Variants in MAMDC2 observed in about 807,000 individuals in gnomAD.
The protein encoded by MAMDC2 is MAM domain containing 2.
In MAMDC2, 57 loss-of-function variants were observed where a neutral mutation model predicts 89.8. The ratio of observed to expected loss-of-function variants is 0.63; its 90% CI spans 0.51 to 0.79. The LOEUF (loss-of-function observed/expected upper bound fraction) is 0.79, where lower values mean the gene tolerates loss of function less well. Among genes scored for constraint, MAMDC2 ranks in the 30% least tolerant of loss-of-function variants. The pLI is 0.00. For missense variants in MAMDC2, 800 were observed against 820.6 expected, an observed-to-expected ratio of 0.97 and a Z score of 0.31; for synonymous variants, 313 against 293.4, an observed-to-expected ratio of 1.07 and a Z score of -0.68.
At chr9:70,084,934 G>A (rs1284979936) in intron 2 of MAMDC2, among the ~76,000 whole-genome samples, 2 of 152,022 alleles carry the variant, frequency 1.3e-5, no homozygotes, top group Admixed American at 1.3e-4. Flanking sequence ...TACTATATCT[G>A]AAATTGCAGT....
chr9:70,076,001 G>A (rs896455805), intron 2 of MAMDC2, among the ~76,000 whole-genome samples: 2 of 152,192 alleles, frequency 1.3e-5, no homozygotes, highest in African/African-American at 4.8e-5. Context: ...GTGTGCTCCC[G>A]AAAATGTCCA....
chr9:70,206,408 C>T (rs1474881906), intron 11 of MAMDC2, among the ~76,000 whole-genome samples: 1 of 152,050 alleles, frequency 6.6e-6, no homozygotes, highest in Non-Finnish European at 1.5e-5. Context: ...TTTCAGGCTC[C>T]ACTAGGGGTC....
chr9:70,079,810 G>A (rs1310853864), intron 2 of MAMDC2, among the ~76,000 whole-genome samples: 2 of 152,162 alleles, frequency 1.3e-5, no homozygotes, highest in Non-Finnish European at 2.9e-5. Flanking sequence ...GAAGTTGTTT[G>A]ACAGGTGTGC....
intron 11 of MAMDC2, among the ~76,000 whole-genome samples, chr9:70,204,322 G>T (rs1337115391): frequency 6.6e-6 from 1 of 152,036 alleles, no homozygotes; most frequent in South Asian, 2.1e-4. Context: ...ACTGTGTGAG[G>T]TGTCAGTGTG....
chr9:70,125,954 G>A (rs2030518120), intron 5 of MAMDC2, among the ~76,000 whole-genome samples: 1 of 152,184 alleles, frequency 6.6e-6, no homozygotes, highest in Non-Finnish European at 1.5e-5. Context: ...TTAGCAGAGT[G>A]CAATGAACCC....
intron 4 of MAMDC2, among the ~76,000 whole-genome samples, chr9:70,110,748 T>C (rs192856293): frequency 6.6e-6 from 1 of 151,882 alleles, no homozygotes; most frequent in East Asian, 1.9e-4. Flanking sequence ...GGAAAATGAG[T>C]TGGGTACAAA....
intron 12 of MAMDC2, among the ~76,000 whole-genome samples, chr9:70,222,210 T>C (rs906855405): frequency 6.6e-6 from 1 of 152,150 alleles, no homozygotes; most frequent in Non-Finnish European, 1.5e-5. Flanking sequence ...AATTGAGATA[T>C]CATTTATTGA....
At chr9:70,094,366 C>T (rs868833663) in intron 2 of MAMDC2, among the ~76,000 whole-genome samples, 8 of 152,144 alleles carry the variant, frequency 5.3e-5, no homozygotes, top group Admixed American at 2.0e-4. Context: ...CACACTGAAA[C>T]ATTTTCTAAA....
At chr9:70,155,483 G>T (rs1393467870) in intron 9 of MAMDC2, among the ~76,000 whole-genome samples, 1 of 152,050 alleles carries the variant, frequency 6.6e-6, no homozygotes, top group African/African-American at 2.4e-5. Flanking sequence ...TCACCTTCTT[G>T]CCTCCTCTGG....
At chr9:70,217,254 C>T (rs2033465634) in intron 11 of MAMDC2, 1 of 974,214 alleles carries the variant, frequency 1.0e-6, no homozygotes, top group African/African-American at 1.6e-5. Flanking sequence ...AGGGGAGGCA[C>T]TACGCCAGGA....
Position 70,209,542 on chromosome 9 carries a change from GTCTATCTA to G in MAMDC2, c.1652-8785_1652-8778del, listed in dbSNP as rs58271219. Among the ~76,000 whole-genome samples, 689 of 151,406 alleles carry G rather than the reference GTCTATCTA, an allele frequency of 4.6e-3. 4 individuals are homozygous for G. The highest frequency in any genetic ancestry group is 0.02 in the Middle Eastern group (6 of 294). On this transcript the variant is annotated intron_variant, in intron 11 of 13. Transcript: ENST00000377182. Reference sequence around the variant, plus strand: ...CTGTTCTTTTTTATTAGTCTGAGCGGTCTATCTATCTATCTATTTTATTGATCTTTTTA... The same window carrying G: ...CTGTTCTTTTTTATTAGTCTGAGCGGTCTATCTATTTTATTGATCTTTTTA...
intron 5 of MAMDC2, among the ~76,000 whole-genome samples, chr9:70,121,643 T>C (rs1442778997): frequency 6.6e-6 from 1 of 151,914 alleles, no homozygotes; most frequent in Non-Finnish European, 1.5e-5. Context: ...ATTTGGCAGA[T>C]TAAAGGATTC....
At chr9:70,100,839 C>A (rs1415646202) in intron 2 of MAMDC2, among the ~76,000 whole-genome samples, 1 of 152,208 alleles carries the variant, frequency 6.6e-6, no homozygotes, top group African/African-American at 2.4e-5. Flanking sequence ...GAACAAATAT[C>A]TTCTCTGATC....
At chr9:70,206,613 T>G (rs548894834) in intron 11 of MAMDC2, among the ~76,000 whole-genome samples, 4 of 151,984 alleles carry the variant, frequency 2.6e-5, no homozygotes, top group Admixed American at 2.6e-4. Context: ...TGTTTCATAT[T>G]TTTTTTGGTA....
At chr9:70,058,388 C>T (rs984298166) in intron 2 of MAMDC2, among the ~76,000 whole-genome samples, 1 of 152,238 alleles carries the variant, frequency 6.6e-6, no homozygotes, top group Non-Finnish European at 1.5e-5. Flanking sequence ...TGTTTACATC[C>T]TCTCTTGACA....
chr9:70,138,848 C>G (rs950680406), intron 7 of MAMDC2, among the ~76,000 whole-genome samples: 1 of 152,066 alleles, frequency 6.6e-6, no homozygotes, highest in Non-Finnish European at 1.5e-5. Context: ...ACAATTTAAA[C>G]TGAGTGATGA....
chr9:70,160,696 G>A (rs2031939883), intron 9 of MAMDC2, among the ~76,000 whole-genome samples: 1 of 152,160 alleles, frequency 6.6e-6, no homozygotes, highest in African/African-American at 2.4e-5. Flanking sequence ...CTAAGGGTGA[G>A]AAGGACGTGG....
chr9:70,101,332 C>A (rs974521662), intron 2 of MAMDC2, among the ~76,000 whole-genome samples: 1 of 151,340 alleles, frequency 6.6e-6, no homozygotes, highest in Non-Finnish European at 1.5e-5. Context: ...TTATAGTAAA[C>A]GAAGGTTAAT....
At position 70,044,228 on chromosome 9, in the gene MAMDC2, C is replaced by CA; in HGVS notation, c.33dup (p.Ala12SerfsTer18). On this transcript the variant is annotated frameshift_variant, in exon 1 of 14. Transcript: ENST00000377182. LOFTEE classifies it high-confidence loss of function. ...GTTAAGGGGCGTCCTCCTGGCGTTGCAAGGTAAGGCCTGGACCCCGGGACA... is the reference window on the plus strand; with the variant it reads ...GTTAAGGGGCGTCCTCCTGGCGTTGCAAAGGTAAGGCCTGGACCCCGGGACA... 1 of 1,613,148 alleles carries CA rather than the reference C, an allele frequency of 6.2e-7. No individual in the cohort carries two copies. The highest frequency in any genetic ancestry group is 1.1e-5 in the South Asian group (1 of 91,084).
Sources: gnomAD v4.1 joint callset for allele counts (sites outside exome capture counted in the v4.1 genomes callset) on GRCh38, gnomAD v4.1.1 for gene constraint, MANE v1.5 for transcripts, NCBI Gene and HGNC (gene_info 2026-07-23, HGNC 2026-07-21) for gene names.